The following FAM184B variants were observed in gnomAD, a reference collection of about 807,000 sequenced individuals.
FAM184B encodes protein FAM184B.
In FAM184B, 111 loss-of-function variants were observed where a neutral mutation model predicts 135.9. That is an observed-to-expected ratio of 0.82 (90% CI 0.70 to 0.96). FAM184B has a LOEUF of 0.96. FAM184B is among the 40% of genes least tolerant of loss of function. FAM184B has a pLI of 0.00. For synonymous variants in FAM184B, 552 were observed against 524.8 expected (o/e 1.05, Z -0.71); for missense variants, 1,375 against 1,323.9 (o/e 1.04, Z -0.60).
intron 1 of FAM184B, among the ~76,000 whole-genome samples, chr4:17,747,649 C>T (rs547665030): frequency 2.0e-5 from 3 of 151,984 alleles, no homozygotes; most frequent in African/African-American, 4.8e-5. Context: ...AGGCCGGGAG[C>T]GGTGGCTCAC....
chr4:17,766,060 T>G (rs767317044), intron 1 of FAM184B, among the ~76,000 whole-genome samples: 6 of 152,160 alleles, frequency 3.9e-5, no homozygotes, highest in Non-Finnish European at 7.3e-5. Context: ...ATAAAGGAAG[T>G]GCAGGCCCAA....
Position 17,781,496 on chromosome 4 carries a change from T to G in FAM184B, c.-197A>C. 1.7e-6 allele frequency: 1 copy of G among 595,120 alleles called. No individual in the cohort carries two copies. Among genetic ancestry groups the G allele is most frequent in the African/African-American group, 2.0e-5 (1 of 50,838 alleles). The allele number at this position is 595,120 out of a possible 1,614,324, so 36.9% of individuals were successfully genotyped here. A position where few individuals can be genotyped will look rare whatever the true frequency, so the allele number is the denominator to read the frequency against. ...GGCCCACCCGCGCGCCCACCCTTTT[T>G]CCTCTCCTGCTGGTTCTCTGGCTGG... On this transcript the variant is annotated 5_prime_UTR_variant, in exon 1 of 18. Transcript: ENST00000265018. The surrounding 1 kb of genome is among the most constrained non-coding windows in gnomAD (Gnocchi z 6.5).
chr4:17,636,873 T>C (rs1362713350), intron 14 of FAM184B, among the ~76,000 whole-genome samples: 1 of 152,132 alleles, frequency 6.6e-6, no homozygotes, highest in Non-Finnish European at 1.5e-5. Flanking sequence ...AAGGCCCCTG[T>C]GTGCACATAG....
intron 1 of FAM184B, among the ~76,000 whole-genome samples, chr4:17,752,188 T>TGG (rs1403655585): frequency 6.6e-6 from 1 of 152,118 alleles, no homozygotes; most frequent in Non-Finnish European, 1.5e-5. Flanking sequence ...CTGAGGGACT[T>TGG]AGTGCCAACA....
intron 5 of FAM184B, among the ~76,000 whole-genome samples, chr4:17,695,166 T>G (rs866797653): frequency 0.017 from 2,531 of 151,744 alleles, 71 homozygotes; most frequent in African/African-American, 0.056. Context: ...TTTGTTGTTT[T>G]TTTTTTTTCT....
At chr4:17,664,497 T>C in intron 8 of FAM184B, 65 bp downstream of exon 8, 1 of 1,248,830 alleles carries the variant, frequency 8.0e-7, no homozygotes, top group Non-Finnish European at 1.1e-6. Context: ...AATGAATGGA[T>C]GAATCCTTCC....
intron 1 of FAM184B, among the ~76,000 whole-genome samples, chr4:17,744,989 C>A (rs891655386): frequency 6.6e-6 from 1 of 152,146 alleles, no homozygotes; most frequent in Non-Finnish European, 1.5e-5. Flanking sequence ...CCTCTTCAGC[C>A]GGAGCTGCTG....
At chr4:17,664,769 CCCCCAGCA>C in intron 7 of FAM184B, 110 bp from the exon 8 acceptor site, 1 of 827,514 alleles carries the variant, frequency 1.2e-6, no homozygotes, top group Admixed American at 2.8e-5. Flanking sequence ...GAAGAGGGAG[CCCCCAGCA>C]ACCCACTATC....
chr4:17,755,739 T>C (rs1415194881), intron 1 of FAM184B, among the ~76,000 whole-genome samples: 1 of 152,146 alleles, frequency 6.6e-6, no homozygotes, highest in Admixed American at 6.5e-5. Flanking sequence ...TAAAAGGGAA[T>C]GAGATCAAGT....
chr4:17,740,112 G>T (rs553959664), intron 1 of FAM184B, among the ~76,000 whole-genome samples: 192 of 152,092 alleles, frequency 1.3e-3, no homozygotes, highest in African/African-American at 4.4e-3. Flanking sequence ...AGCACTTTGG[G>T]AGGCTGAGGT....
chr4:17,766,044 C>A (rs543920007), intron 1 of FAM184B, among the ~76,000 whole-genome samples: 1 of 152,310 alleles, frequency 6.6e-6, no homozygotes, highest in African/African-American at 2.4e-5. Context: ...GTGAGTGTTA[C>A]AGCTCATAAA....
At chr4:17,710,835 A>G (rs1717251405) in intron 1 of FAM184B, among the ~76,000 whole-genome samples, 2 of 152,206 alleles carry the variant, frequency 1.3e-5, no homozygotes, top group South Asian at 2.1e-4. Context: ...AGGTAAGCAG[A>G]AGAAAATCGG....
chr4:17,748,515 T>G (rs1026051587), intron 1 of FAM184B, among the ~76,000 whole-genome samples: 1 of 140,260 alleles, frequency 7.1e-6, no homozygotes, highest in African/African-American at 2.8e-5. Flanking sequence ...ATTTTTTTTT[T>G]TTTTTTTTTT....
rs1715034639 is a variant in FAM184B, at chr4:17,633,705, C to T, written c.3073G>A (p.Ala1025Thr). Residue 1025 changes from alanine (A) to threonine (T), a missense_variant, in exon 17 of 18, where the codon GCA (alanine) becomes ACA (threonine). Physicochemically the swap from Ala to Thr is moderately conservative, Grantham distance 58. Transcript: ENST00000265018. ...CCCCCAAACCTTGTGGCAGTTTTTG[C>T]ATCTGTAGACTGGTTGGGTTTGTAG... ...RTYKPNQSTDAKTATRTPDGE... is the reference protein window; with the variant it reads ...RTYKPNQSTDTKTATRTPDGE... The T allele has an allele frequency of 3.9e-6, 6 of 1,534,498 alleles. No homozygotes were observed. The highest frequency in any genetic ancestry group is 3.7e-5 in the South Asian group (3 of 81,862).
At chr4:17,666,142 C>T (rs182163670) in intron 7 of FAM184B, among the ~76,000 whole-genome samples, 5 of 152,218 alleles carry the variant, frequency 3.3e-5, no homozygotes, top group East Asian at 1.9e-4. Flanking sequence ...TGCTACCAGA[C>T]GACCTGTGTT....
At chr4:17,692,217 G>A (rs1302248968) in intron 6 of FAM184B, among the ~76,000 whole-genome samples, 1 of 152,010 alleles carries the variant, frequency 6.6e-6, no homozygotes, top group Non-Finnish European at 1.5e-5. Flanking sequence ...GAGGGAGTGA[G>A]GGAAAGGCAG....
chr4:17,693,010 A>T (rs1716770330), intron 6 of FAM184B, among the ~76,000 whole-genome samples: 1 of 102,970 alleles, frequency 9.7e-6, no homozygotes, highest in African/African-American at 3.2e-5. Flanking sequence ...AACCCTGGGG[A>T]AGGAAAGGCA....
chr4:17,768,042 C>T (rs1457101334), intron 1 of FAM184B, among the ~76,000 whole-genome samples: 1 of 152,164 alleles, frequency 6.6e-6, no homozygotes, highest in African/African-American at 2.4e-5. Flanking sequence ...GGCTGTGTTC[C>T]AATAAAACTT....
At chr4:17,642,353 C>T in intron 12 of FAM184B, 125 bp from the exon 13 acceptor site, 2 of 1,373,770 alleles carry the variant, frequency 1.5e-6, no homozygotes. Flanking sequence ...GAGCCTGTGG[C>T]AGGCTCCTGA....
Sources: allele counts gnomAD v4.1 joint callset (sites outside exome capture counted in the v4.1 genomes callset), GRCh38; gene constraint gnomAD v4.1.1; non-coding constraint Gnocchi (gnomAD v3.1); transcripts MANE v1.5; gene names NCBI Gene and HGNC (gene_info 2026-07-23, HGNC 2026-07-21).